The following CDYL variants were observed in gnomAD, a reference collection of about 807,000 sequenced individuals.
CDYL encodes chromodomain Y like.
A neutral mutation model predicts 47.3 loss-of-function variants in CDYL; 8 were observed. The ratio of observed to expected loss-of-function variants is 0.17; its 90% CI spans 0.10 to 0.31. CDYL has a LOEUF of 0.31. Among genes scored for constraint, CDYL ranks in the 10% least tolerant of loss-of-function variants. The pLI is 1.00. For missense variants in CDYL, 471 were observed against 701.4 expected, an observed-to-expected ratio of 0.67 and a Z score of 3.71; for synonymous variants, 266 against 265.0, an observed-to-expected ratio of 1.00 and a Z score of -0.04.
chr6:4,903,840 C>T (rs756196996), intron 2 of CDYL, among the ~76,000 whole-genome samples: 1 of 152,188 alleles, frequency 6.6e-6, no homozygotes, highest in Admixed American at 6.5e-5. Flanking sequence ...CTTTTAGTTT[C>T]GGATTCACTC....
At chr6:4,852,690 TTG>T (rs1037095924) in intron 1 of CDYL, among the ~76,000 whole-genome samples, 2 of 152,144 alleles carry the variant, frequency 1.3e-5, no homozygotes, top group African/African-American at 4.8e-5. Flanking sequence ...TTTAACATTT[TTG>T]TGTGTGTATC....
chr6:4,934,943 A>C (rs552451526), intron 2 of CDYL, among the ~76,000 whole-genome samples: 2 of 152,300 alleles, frequency 1.3e-5, no homozygotes, highest in South Asian at 4.1e-4. Context: ...GAACAAGTAG[A>C]TGGACTTTCT....
intron 2 of CDYL, among the ~76,000 whole-genome samples, chr6:4,894,453 T>G (rs1762137282): frequency 6.6e-6 from 1 of 152,124 alleles, no homozygotes; most frequent in Non-Finnish European, 1.5e-5. Context: ...TTCCTGATTT[T>G]GGAAAAAGAA....
At position 4,930,362 on chromosome 6, in the gene CDYL, C is replaced by A. The variant is rs1423969815; in HGVS notation, c.692-5153C>A. 2.0e-5 allele frequency among the ~76,000 whole-genome samples: 3 copies of A among 152,234 alleles called. No individual in the cohort carries two copies. In the East Asian group the frequency reaches 5.8e-4, roughly 29 times the overall value. On this transcript the variant is annotated intron_variant, in intron 2 of 6. Transcript: ENST00000397588. ...TCCTCCTTTTCCATATCATGTCTCA[C>A]AAATTACAGCCTCCTGGGCCTCCCC...
intron 1 of CDYL, among the ~76,000 whole-genome samples, chr6:4,799,027 T>C (rs1362609936): frequency 1.3e-5 from 2 of 152,216 alleles, no homozygotes; most frequent in Non-Finnish European, 2.9e-5. Flanking sequence ...GGTGGAAGTT[T>C]AGGCCATTGC....
At chr6:4,819,158 C>CTGTGTGTGTGTGTG (rs1447808844) in intron 1 of CDYL, among the ~76,000 whole-genome samples, 1 of 128,988 alleles carries the variant, frequency 7.8e-6, no homozygotes, top group Admixed American at 7.3e-5. Context: ...CTCTCTCTCT[C>CTGTGTGTGTGTGTG]TCTCTGTGTG....
At chr6:4,759,441 A>G (rs987026210) in intron 3 of CDYL, among the ~76,000 whole-genome samples, 3 of 152,198 alleles carry the variant, frequency 2.0e-5, no homozygotes, top group South Asian at 2.1e-4. Context: ...TAAGGCCCAC[A>G]TAATATTTTA....
intron 5 of CDYL, among the ~76,000 whole-genome samples, chr6:4,949,062 T>C (rs1474961231): frequency 6.6e-6 from 1 of 152,188 alleles, no homozygotes; most frequent in Non-Finnish European, 1.5e-5. Context: ...AATATGCAAA[T>C]AGTGCAGGCT....
chr6:4,926,770 A>G (rs4960050), intron 2 of CDYL, among the ~76,000 whole-genome samples: 21,882 of 152,246 alleles, frequency 0.14, 1,840 homozygotes, highest in Non-Finnish European at 0.17. Context: ...ACTCACATGG[A>G]AACATTGTTG....
intron 3 of CDYL, among the ~76,000 whole-genome samples, chr6:4,768,345 T>G (rs967565499): frequency 6.6e-6 from 1 of 152,192 alleles, no homozygotes; most frequent in African/African-American, 2.4e-5. Context: ...AAATGGTTGA[T>G]TCTAGGACTG....
At chr6:4,723,377 G>A (rs979693590) in intron 2 of CDYL, among the ~76,000 whole-genome samples, 1 of 151,998 alleles carries the variant, frequency 6.6e-6, no homozygotes, top group Non-Finnish European at 1.5e-5. Flanking sequence ...TGCTGAGCAG[G>A]AATCAGTCAG....
intron 1 of CDYL, among the ~76,000 whole-genome samples, chr6:4,844,744 T>C (rs1016805979): frequency 2.6e-5 from 4 of 152,188 alleles, no homozygotes; most frequent in East Asian, 1.9e-4. Context: ...AAAAAGTTTA[T>C]TTGTGCTGAG....
At chr6:4,733,314 C>T (rs1757642387) in intron 2 of CDYL, 1 of 152,062 alleles carries the variant, frequency 6.6e-6, no homozygotes, top group African/African-American at 2.4e-5. Context: ...AGGGTAAAAG[C>T]CATGTCCCTG....
At chr6:4,782,246 G>T (rs1758637647) in intron 1 of CDYL, among the ~76,000 whole-genome samples, 1 of 152,098 alleles carries the variant, frequency 6.6e-6, no homozygotes, top group African/African-American at 2.4e-5. Context: ...TTATTGCCTG[G>T]CATGTTTGTC....
intron 1 of CDYL, among the ~76,000 whole-genome samples, chr6:4,863,018 C>G (rs932576989): frequency 5.3e-5 from 8 of 152,130 alleles, no homozygotes; most frequent in Non-Finnish European, 1.2e-4. Context: ...ATACTATACC[C>G]CCATAAAAAA....
chr6:4,806,807 A>G (rs1759383388), intron 1 of CDYL, among the ~76,000 whole-genome samples: 1 of 152,218 alleles, frequency 6.6e-6, no homozygotes, highest in African/African-American at 2.4e-5. Context: ...ATTTTTGGCC[A>G]GAATTCCATA....
chr6:4,715,851 A>T (rs1757247031), exon 2 of CDYL: 1 of 1,614,154 alleles, frequency 6.2e-7, no homozygotes, highest in South Asian at 1.1e-5. Context: ...CGAGGGCCCA[A>T]CCCAAAAGTT....
chr6:4,719,826 T>C (rs894882838), intron 2 of CDYL, among the ~76,000 whole-genome samples: 6 of 152,186 alleles, frequency 3.9e-5, no homozygotes, highest in African/African-American at 1.4e-4. Context: ...TTCCAAGATC[T>C]CTTGCCACTT....
At chr6:4,869,068 T>TA (rs1352781749) in intron 1 of CDYL, among the ~76,000 whole-genome samples, 2 of 152,044 alleles carry the variant, frequency 1.3e-5, no homozygotes, top group Non-Finnish European at 2.9e-5. Flanking sequence ...ATGGTTGCTT[T>TA]AAAAAAATCT....
Sources: allele counts gnomAD v4.1 joint callset (sites outside exome capture counted in the v4.1 genomes callset), GRCh38; gene constraint gnomAD v4.1.1; transcripts MANE v1.5; gene names NCBI Gene and HGNC (gene_info 2026-07-23, HGNC 2026-07-21).